Variants in MAP2K3 observed in about 807,000 individuals in gnomAD.
MAP2K3 encodes the protein mitogen-activated protein kinase kinase 3.
MAP2K3 carries 30 observed loss-of-function variants against 46.4 expected under a neutral mutation model. That is an observed-to-expected ratio of 0.65 (90% CI 0.48 to 0.88). MAP2K3 has a LOEUF of 0.88. MAP2K3 is among the 40% of genes least tolerant of loss of function. The pLI, the probability that MAP2K3 is intolerant of heterozygous loss-of-function variation, is 0.00. For synonymous variants in MAP2K3, 189 were observed against 176.3 expected (o/e 1.07, Z -0.57); for missense variants, 380 against 464.5 (o/e 0.82, Z 1.67).
intron 11 of MAP2K3, 51 bp downstream of exon 11, chr17:21,313,588 T>TGGGTGGGGGGGGGGG: frequency 1.7e-6 from 1 of 597,482 alleles, no homozygotes; most frequent in Non-Finnish European, 3.1e-6. Flanking sequence ...TGGCTGGGGC[T>TGGGTGGGGGGGGGGG]GGGTGGGGCT....
intron 5 of MAP2K3, among the ~76,000 whole-genome samples, chr17:21,301,300 G>C (rs1976587013): frequency 6.6e-6 from 1 of 152,308 alleles, no homozygotes; most frequent in Admixed American, 6.5e-5. Context: ...ATGGCATACA[G>C]GGCGTGGGAA....
rs756966433 is a variant in MAP2K3, at chr17:21,298,944, C to G, written c.165+18C>G. Reference sequence around the variant, plus strand: ...GAGACAGAGTAGGTGCCAGCCGCCACCCCTGCAGGGCCTCTCACTTCACCT... The same window carrying G: ...GAGACAGAGTAGGTGCCAGCCGCCAGCCCTGCAGGGCCTCTCACTTCACCT... On this transcript the variant is annotated intron_variant, in intron 3 of 11. Coordinates refer to ENST00000342679, the MANE Select transcript of MAP2K3 (RefSeq NM_145109.3). 3 of 1,614,094 alleles carry G rather than the reference C, an allele frequency of 1.9e-6. No individual in the cohort carries two copies. Among genetic ancestry groups the G allele is most frequent in the Non-Finnish European group, 2.5e-6 (3 of 1,180,028 alleles).
intron 1 of MAP2K3, among the ~76,000 whole-genome samples, chr17:21,295,127 C>T (rs1013151507): frequency 6.6e-6 from 1 of 152,312 alleles, no homozygotes; most frequent in Non-Finnish European, 1.5e-5. Context: ...GCATTTCAGG[C>T]AGAGGGAAGG....
chr17:21,302,073 G>C, intron 5 of MAP2K3, 70 bp from the exon 6 acceptor site: 1 of 1,474,806 alleles, frequency 6.8e-7, no homozygotes, highest in South Asian at 1.1e-5. Flanking sequence ...CTGGTGCTGG[G>C]GCAGGCAGTG....
intron 9 of MAP2K3, among the ~76,000 whole-genome samples, chr17:21,306,337 C>G (rs1242951445): frequency 6.6e-6 from 1 of 152,220 alleles, no homozygotes; most frequent in African/African-American, 2.4e-5. Context: ...ACTGGTTTAT[C>G]AGAAAGGATA....
At chr17:21,293,868 T>C in intron 1 of MAP2K3, among the ~76,000 whole-genome samples, 1 of 152,430 alleles carries the variant, frequency 6.6e-6, no homozygotes, top group South Asian at 2.1e-4. Flanking sequence ...CCCCTTGTCC[T>C]GCATCCTCTC....
intron 1 of MAP2K3, among the ~76,000 whole-genome samples, chr17:21,293,272 C>T (rs1365645830): frequency 1.3e-5 from 2 of 152,308 alleles, no homozygotes; most frequent in Admixed American, 1.3e-4. Flanking sequence ...CTTTCACGTG[C>T]CTTGTGCCCC....
intron 4 of MAP2K3, 84 bp from the exon 5 acceptor site, chr17:21,300,790 C>G (rs1029238414): frequency 6.2e-7 from 1 of 1,611,360 alleles, no homozygotes; most frequent in Non-Finnish European, 8.5e-7. Context: ...GGGCAGTGGC[C>G]CCCTGAGCTC....
chr17:21,295,608 C>G, intron 1 of MAP2K3: 1 of 1,285,738 alleles, frequency 7.8e-7, no homozygotes, highest in Non-Finnish European at 1.0e-6. Context: ...CCCACTCCCT[C>G]TGACAGCTGG....
intron 1 of MAP2K3, among the ~76,000 whole-genome samples, chr17:21,295,055 G>T (rs560540281): frequency 4.6e-5 from 7 of 152,428 alleles, no homozygotes; most frequent in Admixed American, 3.9e-4. Context: ...GCGCAGTCAG[G>T]CAGCCTCTCT....
chr17:21,313,343 A>G, intron 10 of MAP2K3, 149 bp from the exon 11 acceptor site: 1 of 594,304 alleles, frequency 1.7e-6, no homozygotes, highest in Non-Finnish European at 3.0e-6. Context: ...CCACCCTGGA[A>G]GAAGCCCTAG....
At chr17:21,301,091 G>C (rs1334372963) in intron 5 of MAP2K3, 98 bp downstream of exon 5, 2 of 1,586,440 alleles carry the variant, frequency 1.3e-6, no homozygotes, top group African/African-American at 1.3e-5. Flanking sequence ...CCAGGTGCTG[G>C]GGACACCTGG....
Position 21,312,161 on chromosome 17 carries a change from G to A in MAP2K3, c.794G>A (p.Arg265Gln), listed in dbSNP as rs772881322. 35 of 1,569,554 alleles carry A rather than the reference G, an allele frequency of 2.2e-5. No individual in the cohort carries two copies. In the South Asian group the frequency reaches 2.3e-4, roughly 10 times the overall value. Residue 265 changes from arginine to glutamine, a missense_variant, in exon 10 of 12, where the codon CGG (arginine) becomes CAG (glutamine). Arg to Gln is a conservative substitution (Grantham distance 43). Around this residue, in one of 5 missense-constraint regions of MAP2K3, gnomAD observed 10 missense variants for 30.0 expected, o/e 0.33. Coordinates refer to ENST00000342679, the MANE Select transcript of MAP2K3 (RefSeq NM_145109.3). ...GITMIEMAIL[R>Q]FPYESWGTPF... ...CTGCAGATTGAGATGGCCATCCTGC[G>A]GTTCCCTTACGAGTCCTGGGGGACC...
chr17:21,291,158 G>A (rs1465350746), intron 1 of MAP2K3, among the ~76,000 whole-genome samples: 1,089 of 151,158 alleles, frequency 7.2e-3, no homozygotes, highest in African/African-American at 0.026. Flanking sequence ...GCAGGAGAAT[G>A]GCATGAACCC....
intron 3 of MAP2K3, among the ~76,000 whole-genome samples, chr17:21,299,888 A>G (rs1205882329): frequency 6.6e-6 from 1 of 152,310 alleles, no homozygotes; most frequent in Admixed American, 6.5e-5. Flanking sequence ...AGGCTGAGAC[A>G]GGAGAATCGC....
Position 21,298,885 on chromosome 17 carries a change from C to A in MAP2K3, c.124C>A (p.Arg42=). ...AGTCTTCTTTCTCCACAGACCCCCC[C>A]GGAACCTGGACTCCCGGACCTTCAT... ...KPPAPNPTPP[R]NLDSRTFITI... Residue 42 remains arginine, a synonymous_variant, in exon 3 of 12, where the codon CGG becomes AGG. Coordinates refer to ENST00000342679, the MANE Select transcript of MAP2K3 (RefSeq NM_145109.3). 1 of 1,614,296 alleles carries A rather than the reference C, an allele frequency of 6.2e-7. No individual in the cohort carries two copies.
chr17:21,312,585 A>T (rs1977215682), intron 10 of MAP2K3, among the ~76,000 whole-genome samples: 1 of 152,246 alleles, frequency 6.6e-6, no homozygotes, highest in South Asian at 2.1e-4. Flanking sequence ...AGAACTTTGT[A>T]CCAAATTAAA....
At chr17:21,296,557 C>T (rs56356470) in intron 1 of MAP2K3, among the ~76,000 whole-genome samples, 13,866 of 146,474 alleles carry the variant, frequency 0.095, no homozygotes, top group Middle Eastern at 0.13. Context: ...TTGGGGTCTG[C>T]GAGTCAATAA....
At chr17:21,309,105 A>G (rs904081550) in intron 9 of MAP2K3, among the ~76,000 whole-genome samples, 2 of 152,310 alleles carry the variant, frequency 1.3e-5, no homozygotes, top group Non-Finnish European at 2.9e-5. Flanking sequence ...CCTCACAAAC[A>G]TGGGCCTCCT....
Sources: allele counts gnomAD v4.1 joint callset (sites outside exome capture counted in the v4.1 genomes callset), GRCh38; gene constraint gnomAD v4.1.1; regional missense constraint gnomAD v4.1.1; transcripts MANE v1.5; gene names NCBI Gene and HGNC (gene_info 2026-07-23, HGNC 2026-07-21).